The following TAFA5 variants were observed in gnomAD, a reference collection of about 807,000 sequenced individuals.
The protein encoded by TAFA5 is TAFA chemokine like family member 5.
A neutral mutation model predicts 15.3 loss-of-function variants in TAFA5; 6 were observed. That is an observed-to-expected ratio of 0.39 (90% CI 0.21 to 0.77). The LOEUF (loss-of-function observed/expected upper bound fraction) is 0.77. Ranked by LOEUF, TAFA5 falls within the 30% of genes least tolerant of loss-of-function variation. The probability of loss-of-function intolerance (pLI) is 0.41; values close to 1 mark genes in which losing one functional copy is unlikely to be tolerated. For synonymous variants in TAFA5, 103 were observed against 80.7 expected (o/e 1.28, Z -1.48); for missense variants, 161 against 193.1 (o/e 0.83, Z 0.98).
chr22:48,612,297 C>T (rs1925437825), intron 1 of TAFA5, among the ~76,000 whole-genome samples: 1 of 152,230 alleles, frequency 6.6e-6, no homozygotes, highest in Non-Finnish European at 1.5e-5. Context: ...GGCTCACTTG[C>T]ATGTTCAAGT....
intron 1 of TAFA5, among the ~76,000 whole-genome samples, chr22:48,597,902 C>T (rs1050929652): frequency 1.3e-5 from 2 of 152,142 alleles, no homozygotes; most frequent in Non-Finnish European, 2.9e-5. Flanking sequence ...ACGCACGGGC[C>T]GATTATGACT....
chr22:48,499,781 C>T (rs1297693509), intron 1 of TAFA5, among the ~76,000 whole-genome samples: 5 of 152,216 alleles, frequency 3.3e-5, no homozygotes, highest in African/African-American at 7.2e-5. Context: ...TCTTCCTCCC[C>T]TCTTTTTAGG....
intron 1 of TAFA5, among the ~76,000 whole-genome samples, chr22:48,570,032 C>G (rs1484839441): frequency 6.6e-6 from 1 of 152,226 alleles, no homozygotes; most frequent in African/African-American, 2.4e-5. Flanking sequence ...ACGTGCAGAT[C>G]ACCCCTCTTT....
chr22:48,714,150 G>A (rs1044387917), intron 3 of TAFA5, among the ~76,000 whole-genome samples: 2 of 152,218 alleles, frequency 1.3e-5, no homozygotes, highest in African/African-American at 2.4e-5. Flanking sequence ...GCCATCCATG[G>A]GAGACAGCAG....
chr22:48,536,096 A>G (rs972854354), intron 1 of TAFA5, among the ~76,000 whole-genome samples: 1 of 152,208 alleles, frequency 6.6e-6, no homozygotes, highest in African/African-American at 2.4e-5. Context: ...GAGTTCCCGC[A>G]TGGGTTGGTT....
chr22:48,532,537 CTG>C (rs1205183783), intron 1 of TAFA5, among the ~76,000 whole-genome samples: 11 of 152,228 alleles, frequency 7.2e-5, no homozygotes, highest in African/African-American at 2.7e-4. Flanking sequence ...CGATTACGCA[CTG>C]TCGCTGGTGG....
chr22:48,504,914 C>T (rs1001979855), intron 1 of TAFA5, among the ~76,000 whole-genome samples: 3 of 152,186 alleles, frequency 2.0e-5, no homozygotes, highest in Non-Finnish European at 4.4e-5. Flanking sequence ...CCACACACCC[C>T]ACCCTGCCCT....
intron 1 of TAFA5, among the ~76,000 whole-genome samples, chr22:48,582,447 A>G (rs1924091069): frequency 6.6e-6 from 1 of 150,916 alleles, no homozygotes; most frequent in African/African-American, 2.5e-5. Flanking sequence ...AAAATACACC[A>G]CATACCACAC....
intron 1 of TAFA5, among the ~76,000 whole-genome samples, chr22:48,494,694 A>ACAG (rs1928265544): frequency 6.6e-6 from 1 of 152,174 alleles, no homozygotes; most frequent in Admixed American, 6.5e-5. Flanking sequence ...GAGCCCAGGA[A>ACAG]CAGCAGCTCC....
rs901135636 is a variant in TAFA5, at chr22:48,623,260, G to A, written c.113-23337G>A. Among the ~76,000 whole-genome samples, 3 of 141,630 alleles carry A rather than the reference G, an allele frequency of 2.1e-5. 1 individual carries two copies. The highest frequency in any genetic ancestry group is 1.4e-4 in the Admixed American group (2 of 14,146). 92.9% of individuals were successfully genotyped at this position (141,630 alleles called of 152,430 possible). A position where few individuals can be genotyped will look rare whatever the true frequency, so the allele number is the denominator to read the frequency against. ...CGGGACGTGCCGCGTGGCCCTGCGC[G>A]GTGACCTGTGGGACGGGACGTGTCG... is the stretch of plus-strand genomic sequence containing the variant. On this transcript the variant is annotated intron_variant, in intron 1 of 3. Coordinates refer to ENST00000402357, the MANE Select transcript of TAFA5 (RefSeq NM_001082967.3).
intron 1 of TAFA5, among the ~76,000 whole-genome samples, chr22:48,617,502 G>A (rs971181792): frequency 5.3e-5 from 8 of 152,182 alleles, no homozygotes; most frequent in Non-Finnish European, 1.5e-5. Context: ...GCTCCTGGAA[G>A]CATGCAGGCA....
chr22:48,539,023 C>T (rs997199478), intron 1 of TAFA5: 4 of 199,782 alleles, frequency 2.0e-5, no homozygotes, highest in African/African-American at 9.2e-5. Context: ...TTTTTGTAAA[C>T]CAATGGGATG....
At chr22:48,693,916 A>C (rs535266206) in intron 2 of TAFA5, among the ~76,000 whole-genome samples, 1 of 152,120 alleles carries the variant, frequency 6.6e-6, no homozygotes, top group African/African-American at 2.4e-5. Context: ...CGGGTGGGGA[A>C]ACTGTGGGGT....
intron 2 of TAFA5, among the ~76,000 whole-genome samples, chr22:48,670,579 G>A (rs1300744918): frequency 6.6e-6 from 1 of 152,256 alleles, no homozygotes; most frequent in African/African-American, 2.4e-5. Flanking sequence ...TCCATCGGTG[G>A]AGGTGGGGGA....
intron 2 of TAFA5, among the ~76,000 whole-genome samples, chr22:48,693,789 G>C (rs2147240224): frequency 6.6e-6 from 1 of 152,190 alleles, no homozygotes; most frequent in African/African-American, 2.4e-5. Flanking sequence ...GCATCTTCCA[G>C]GCCACAATCC....
chr22:48,507,999 C>T (rs535276726), intron 1 of TAFA5, among the ~76,000 whole-genome samples: 12 of 152,188 alleles, frequency 7.9e-5, no homozygotes, highest in South Asian at 2.1e-4. Context: ...TAGAGCCGCC[C>T]GCATGCAGGG....
intron 1 of TAFA5, chr22:48,543,589 G>C (rs560981300): frequency 6.6e-6 from 1 of 152,464 alleles, no homozygotes; most frequent in South Asian, 2.1e-4. Context: ...GTCTGGAGAG[G>C]AGATATTATC....
At chr22:48,700,476 C>T (rs576824847) in intron 2 of TAFA5, among the ~76,000 whole-genome samples, 30 of 152,292 alleles carry the variant, frequency 2.0e-4, no homozygotes, top group African/African-American at 6.0e-4. Context: ...TCTCAGGATC[C>T]AGCAGCCCTT....
intron 2 of TAFA5, among the ~76,000 whole-genome samples, chr22:48,702,965 G>A (rs567079429): frequency 3.9e-5 from 6 of 152,274 alleles, no homozygotes; most frequent in Non-Finnish European, 8.8e-5. Flanking sequence ...GGACGGGGCA[G>A]GCCTGCTGCC....
Sources: allele counts gnomAD v4.1 joint callset (sites outside exome capture counted in the v4.1 genomes callset), GRCh38; gene constraint gnomAD v4.1.1; transcripts MANE v1.5; gene names NCBI Gene and HGNC (gene_info 2026-07-23, HGNC 2026-07-21).